Variants in TECPR2 observed in about 807,000 individuals in gnomAD.
TECPR2 encodes tectonin beta-propeller repeat-containing protein 2.
Under a neutral mutation model 138.1 loss-of-function variants are expected in TECPR2, and 65 were observed. The ratio of observed to expected loss-of-function variants is 0.47; its 90% CI spans 0.39 to 0.58. TECPR2 has a LOEUF of 0.58. Ranked by LOEUF, TECPR2 falls within the 20% of genes least tolerant of loss-of-function variation. TECPR2 has a pLI of 0.00. For missense variants in TECPR2, 1,553 were observed against 1,824.5 expected, an observed-to-expected ratio of 0.85 and a Z score of 2.71; for synonymous variants, 746 against 749.8, an observed-to-expected ratio of 0.99 and a Z score of 0.08.
intron 17 of TECPR2, among the ~76,000 whole-genome samples, chr14:102,477,670 C>A (rs1368790270): frequency 6.8e-6 from 1 of 146,408 alleles, no homozygotes; most frequent in African/African-American, 2.5e-5. Context: ...CCTGCCTCAG[C>A]CTCCCAAGTA....
chr14:102,373,337 A>G (rs563899342), intron 1 of TECPR2, among the ~76,000 whole-genome samples: 13 of 152,344 alleles, frequency 8.5e-5, no homozygotes, highest in African/African-American at 3.1e-4. Context: ...ATTCAGTAGA[A>G]ACTGTATTTC....
At chr14:102,396,423 G>A (rs1888317271) in intron 2 of TECPR2, among the ~76,000 whole-genome samples, 1 of 152,080 alleles carries the variant, frequency 6.6e-6, no homozygotes, top group Non-Finnish European at 1.5e-5. Flanking sequence ...TAAGAGCTCA[G>A]CATATTCATA....
rs1888696165 is a variant in TECPR2, at chr14:102,407,599, C to T, written c.348+133C>T. ...GGGCACGACTTTCTCTGCCCAGGCT[C>T]ATGCCTGTAATCCCAGTACTTTGGA... is the stretch of plus-strand genomic sequence containing the variant. On this transcript the variant is annotated intron_variant, in intron 3 of 19. Transcript: ENST00000359520. 1.1e-5 allele frequency: 13 copies of T among 1,232,168 alleles called. No homozygotes were observed. The South Asian group carries it at 1.3e-4, about 12-fold the overall frequency. The allele number at this position is 1,232,168 out of a possible 1,614,324, so 76.3% of individuals were successfully genotyped here.
rs1236881829 is a variant in TECPR2 at position 102,375,972 on chromosome 14, A to G, written c.-72-678A>G. ...GATGGCGTGCATGGAAGGGTTGCAT[A>G]TCTTTAGTAAGGGAAGCTTTGAAGC... On this transcript the variant is annotated intron_variant, in intron 1 of 19. Coordinates refer to ENST00000359520, the MANE Select transcript of TECPR2 (RefSeq NM_014844.5). Among the ~76,000 whole-genome samples the G allele has an allele frequency of 2.6e-5, 4 of 152,188 alleles. No individual in the cohort carries two copies. The South Asian group carries it at 6.2e-4, about 24-fold the overall frequency.
At position 102,450,604 on chromosome 14, in the gene TECPR2, A is replaced by G. The variant is rs775372116; in HGVS notation, c.3361A>G (p.Thr1121Ala). The change falls in exon 15 of 20, where the codon ACA (threonine) becomes GCA (alanine). Residue 1121 changes from threonine (T) to alanine (A), a missense_variant. Thr to Ala is a moderately conservative substitution (Grantham distance 58, BLOSUM62 0). Coordinates refer to ENST00000359520, the MANE Select transcript of TECPR2 (RefSeq NM_014844.5). ...GGTTCCCCGTGGGACAGCTTCTGCT[A>G]CAAAATGGGCCTTTGTGTTGGCTTC... The part of the protein sequence containing the change: ...HVVPRGTASA[T>A]KWAFVLASAA... 3 of 1,614,210 alleles carry G rather than the reference A, an allele frequency of 1.9e-6. No homozygotes were observed. Among genetic ancestry groups the G allele is most frequent in the Non-Finnish European group, 2.5e-6 (3 of 1,180,028 alleles).
chr14:102,364,028 ATTCTG>A (rs768766857), intron 1 of TECPR2, among the ~76,000 whole-genome samples: 15 of 151,924 alleles, frequency 9.9e-5, no homozygotes, highest in Non-Finnish European at 1.8e-4. Context: ...CAGGAATTTT[ATTCTG>A]TTCTGTGACT....
In TECPR2 at chr14:102,434,565, A is replaced by T. The variant is rs141596456; in HGVS notation, c.1748A>T (p.Asn583Ile). 2.1e-5 allele frequency: 33 copies of T among 1,556,980 alleles called. No homozygotes were observed. The African/African-American group carries it at 4.1e-4, about 19-fold the overall frequency. ...CATGCACATGGGCGGGAGCTGCTCA[A>T]TGGAGCGAGGGAAGATGTGGGAGGC... The part of the protein sequence containing the change: ...CHHAHGRELL[N>I]GAREDVGGSD... The change falls in exon 9 of 20, where the codon AAT becomes ATT. Residue 583 changes from asparagine (N) to isoleucine (I), a missense_variant. Coordinates refer to ENST00000359520, the MANE Select transcript of TECPR2 (RefSeq NM_014844.5).
intron 4 of TECPR2, among the ~76,000 whole-genome samples, chr14:102,413,512 G>A (rs1447684074): frequency 6.6e-6 from 1 of 151,792 alleles, no homozygotes; most frequent in Non-Finnish European, 1.5e-5. Flanking sequence ...CCAAGTAGCT[G>A]GGATTACAGG....
At chr14:102,381,552 C>CGACA (rs1437452599) in intron 2 of TECPR2, among the ~76,000 whole-genome samples, 1 of 152,054 alleles carries the variant, frequency 6.6e-6, no homozygotes, top group Non-Finnish European at 1.5e-5. Context: ...CCAGCCTAGG[C>CGACA]GACAGAGTGA....
rs182015897 is a variant in TECPR2, at chr14:102,499,828, C to A, written c.*1571C>A. The A allele has an allele frequency of 6.3e-4, 97 of 154,316 alleles. 1 individual carries two copies. The East Asian group carries it at 0.017, about 28-fold the overall frequency. The allele number at this position is 154,316 out of a possible 1,614,324, so 9.6% of individuals were successfully genotyped here. On this transcript the variant is annotated 3_prime_UTR_variant, in exon 20 of 20. Coordinates refer to ENST00000359520, the MANE Select transcript of TECPR2 (RefSeq NM_014844.5). ...CAGGTGGAGGGTGATAAAATATGTT[C>A]TCTGACAGGACCCAGCCAGCCACAT...
At chr14:102,371,564 G>C (rs1272445166) in intron 1 of TECPR2, among the ~76,000 whole-genome samples, 1 of 152,120 alleles carries the variant, frequency 6.6e-6, no homozygotes, top group Non-Finnish European at 1.5e-5. Context: ...TGGCTGTCCT[G>C]ACTCATCTGG....
intron 17 of TECPR2, among the ~76,000 whole-genome samples, chr14:102,494,534 A>C (rs1425480993): frequency 6.6e-6 from 1 of 151,782 alleles, no homozygotes; most frequent in East Asian, 1.9e-4. Context: ...GACTCAAAAA[A>C]AAACTAGCTC....
Position 102,438,138 on chromosome 14 carries a change from G to A in TECPR2, c.2511G>A (p.Leu837=), listed in dbSNP as rs1389118947. 1 of 1,613,804 alleles carries A rather than the reference G, an allele frequency of 6.2e-7. No homozygotes were observed. The highest frequency in any genetic ancestry group is 8.5e-7 in the Non-Finnish European group (1 of 1,179,984). Residue 837 remains leucine (L), a synonymous_variant, in exon 10 of 20, where the codon TTG becomes TTA. Coordinates refer to ENST00000359520, the MANE Select transcript of TECPR2 (RefSeq NM_014844.5). ...DYKGGLFCSA[L]PGAGLRWQKF... ...AAGGCGGCCTGTTCTGCAGCGCGTT[G>A]CCGGGCGCCGGGCTGCGCTGGCAGA...
intron 16 of TECPR2, among the ~76,000 whole-genome samples, chr14:102,456,746 C>A (rs983269363): frequency 6.6e-6 from 1 of 151,118 alleles, no homozygotes; most frequent in East Asian, 2.0e-4. Flanking sequence ...CCCAACACCA[C>A]GCCTGGCTAA....
chr14:102,493,233 G>A (rs926557038), intron 17 of TECPR2, among the ~76,000 whole-genome samples: 3 of 152,244 alleles, frequency 2.0e-5, no homozygotes, highest in Non-Finnish European at 4.4e-5. Flanking sequence ...CGGGCAGTGT[G>A]TGGGGGAGTC....
chr14:102,483,986 A>G lies in TECPR2; in HGVS notation c.3790-12993A>G, dbSNP rs80235171. Among the ~76,000 whole-genome samples, 3 of 16,238 alleles carry G rather than the reference A, an allele frequency of 1.8e-4. 1 individual carries two copies. The highest frequency in any genetic ancestry group is 5.2e-4 in the African/African-American group (1 of 1,912). The allele number at this position is 16,238 out of a possible 152,430, so 10.7% of individuals were successfully genotyped here. A position where few individuals can be genotyped will look rare whatever the true frequency, so the allele number is the denominator to read the frequency against. ...TGATTCTTATATTTTCAGTAGAGAC[A>G]AGGTTTCACCATGTTTGCCAGGCTG... On this transcript the variant is annotated intron_variant, in intron 17 of 19. Transcript: ENST00000359520.
intron 6 of TECPR2, 104 bp downstream of exon 6, chr14:102,425,395 T>A: frequency 9.2e-6 from 11 of 1,191,040 alleles, no homozygotes; most frequent in Non-Finnish European, 1.1e-5. Flanking sequence ...AGGAGCAGTA[T>A]TGACTTACAC....
chr14:102,495,940 GTGTC>G (rs1228308764), intron 17 of TECPR2, among the ~76,000 whole-genome samples: 6 of 152,250 alleles, frequency 3.9e-5, no homozygotes, highest in South Asian at 2.1e-4. Flanking sequence ...GGCCCTGAGA[GTGTC>G]TGGCCCCGGC....
chr14:102,393,189 T>G (rs148215158), intron 2 of TECPR2, among the ~76,000 whole-genome samples: 17 of 152,296 alleles, frequency 1.1e-4, no homozygotes, highest in Admixed American at 8.5e-4. Flanking sequence ...TTCTTGGTTT[T>G]GGGGTCCTGT....
Sources: gnomAD v4.1 joint callset for allele counts (sites outside exome capture counted in the v4.1 genomes callset) on GRCh38, gnomAD v4.1.1 for gene constraint, MANE v1.5 for transcripts, NCBI Gene and HGNC (gene_info 2026-07-23, HGNC 2026-07-21) for gene names.